PRKAR1A: variants seen among roughly 807,000 people sequenced by gnomAD.
The protein encoded by PRKAR1A is protein kinase cAMP-dependent type I regulatory subunit alpha.
In PRKAR1A, 3 loss-of-function variants were observed where a neutral mutation model predicts 52.0. The ratio of observed to expected loss-of-function variants is 0.06; its 90% CI spans 0.03 to 0.15. The LOEUF (loss-of-function observed/expected upper bound fraction) is 0.15, where lower values mean the gene tolerates loss of function less well. PRKAR1A is among the 10% of genes least tolerant of loss of function. PRKAR1A has a pLI of 1.00. For synonymous variants in PRKAR1A, 188 were observed against 168.4 expected (o/e 1.12, Z -0.90); for missense variants, 240 against 477.4 (o/e 0.50, Z 4.63).
chr17:68,520,320 CATA>C (rs1010423021), intron 2 of PRKAR1A, among the ~76,000 whole-genome samples: 4 of 152,164 alleles, frequency 2.6e-5, no homozygotes, highest in Non-Finnish European at 4.4e-5. Context: ...ATCGGGAAAA[CATA>C]GTAGTGGGGA....
the PRKAR1A span, among the ~76,000 whole-genome samples, chr17:68,457,943 A>G: frequency 6.6e-6 from 1 of 152,186 alleles, no homozygotes; most frequent in Admixed American, 6.5e-5. Context: ...CAGTCCGGCA[A>G]CTGCGTCGGG....
chr17:68,497,774 G>C, the PRKAR1A span, among the ~76,000 whole-genome samples: 1 of 152,202 alleles, frequency 6.6e-6, no homozygotes, highest in African/African-American at 2.4e-5. Flanking sequence ...AGAACCCAGG[G>C]AGGTTGACTC....
At chr17:68,436,184 C>T in the PRKAR1A span, among the ~76,000 whole-genome samples, 3 of 152,214 alleles carry the variant, frequency 2.0e-5, no homozygotes, top group Non-Finnish European at 2.9e-5. Flanking sequence ...CTAACTTGGC[C>T]TGGCCAGCTG....
chr17:68,465,586 T>C, the PRKAR1A span, among the ~76,000 whole-genome samples: 1 of 150,320 alleles, frequency 6.7e-6, no homozygotes, highest in African/African-American at 2.4e-5. Flanking sequence ...TCTGGAGTAG[T>C]TGGGATTACA....
At chr17:68,449,862 T>A in the PRKAR1A span, among the ~76,000 whole-genome samples, 1 of 152,112 alleles carries the variant, frequency 6.6e-6, no homozygotes, top group Non-Finnish European at 1.5e-5. Context: ...TACAGAAAAA[T>A]TAGCTGGGCG....
the PRKAR1A span, among the ~76,000 whole-genome samples, chr17:68,462,082 C>T: frequency 6.6e-6 from 1 of 152,186 alleles, no homozygotes; most frequent in Non-Finnish European, 1.5e-5. Flanking sequence ...CAAAAACTAA[C>T]AACACTTCTA....
intron 7 of PRKAR1A, 133 bp from the exon 8 acceptor site, chr17:68,527,707 C>T: frequency 2.9e-6 from 2 of 700,402 alleles, no homozygotes; most frequent in Non-Finnish European, 4.8e-6. Flanking sequence ...ATTAAACTTT[C>T]CTCATTAAAA....
At chr17:68,534,196 T>C (rs924854632), downstream of PRKAR1A, among the ~76,000 whole-genome samples, 6 of 152,228 alleles carry the variant, frequency 3.9e-5, no homozygotes, top group Non-Finnish European at 5.9e-5. Flanking sequence ...TCATCTGGAC[T>C]ACACCTAAAA....
downstream of PRKAR1A, chr17:68,537,639 A>T: frequency 6.2e-7 from 1 of 1,613,768 alleles, no homozygotes; most frequent in Non-Finnish European, 8.5e-7. This position sits in a 1 kb window ranked among gnomAD's most constrained non-coding sequence, Gnocchi z 4.2. Context: ...CAGTGAGGAC[A>T]GGGCTGAGCT....
At chr17:68,464,930 G>GTTTT in the PRKAR1A span, among the ~76,000 whole-genome samples, 2 of 143,106 alleles carry the variant, frequency 1.4e-5, no homozygotes, top group Non-Finnish European at 3.0e-5. Context: ...GGAAGTGTGG[G>GTTTT]TTTTTTTTTT....
the PRKAR1A span, among the ~76,000 whole-genome samples, chr17:68,467,442 T>G: frequency 0.014 from 2,117 of 152,324 alleles, 12 homozygotes; most frequent in Non-Finnish European, 0.02. Flanking sequence ...TGTTTTTTTG[T>G]TTTTGTTTTC....
At chr17:68,430,494 T>G in the PRKAR1A span, among the ~76,000 whole-genome samples, 1 of 152,210 alleles carries the variant, frequency 6.6e-6, no homozygotes, top group South Asian at 2.1e-4. Flanking sequence ...TGAGATGGAC[T>G]TGATATCCAG....
chr17:68,471,096 AT>A, the PRKAR1A span, among the ~76,000 whole-genome samples: 380 of 152,258 alleles, frequency 2.5e-3, 1 homozygote, highest in Admixed American at 8.2e-3. Context: ...AATTCAATGC[AT>A]TTTTTCCCCC....
the PRKAR1A span, among the ~76,000 whole-genome samples, chr17:68,460,358 A>G: frequency 1.3e-5 from 2 of 152,210 alleles, no homozygotes; most frequent in African/African-American, 4.8e-5. Flanking sequence ...GGGGAAGCCC[A>G]TTGGGTTGCT....
At chr17:68,539,881 T>A in intron 11 of PRKAR1A, 1 of 1,613,860 alleles carries the variant, frequency 6.2e-7, no homozygotes, top group Non-Finnish European at 8.5e-7. Flanking sequence ...GTGGGGAAGC[T>A]CACCCTCTGG....
chr17:68,420,528 AT>A, the PRKAR1A span: 145 of 1,541,516 alleles, frequency 9.4e-5, no homozygotes, highest in Non-Finnish European at 1.1e-4. Flanking sequence ...TCCAAATTTC[AT>A]TTTTACCCTC....
chr17:68,537,422 C>A, downstream of PRKAR1A: 1 of 1,611,402 alleles, frequency 6.2e-7, no homozygotes, highest in Non-Finnish European at 8.5e-7. This position sits in a 1 kb window ranked among gnomAD's most constrained non-coding sequence, Gnocchi z 4.2. Flanking sequence ...GGTCGGCACT[C>A]GAGTCGACTG....
the PRKAR1A span, among the ~76,000 whole-genome samples, chr17:68,506,003 G>A: frequency 6.6e-6 from 1 of 152,094 alleles, no homozygotes; most frequent in Admixed American, 6.5e-5. Flanking sequence ...CTATTAATTA[G>A]GATAATTACA....
At chr17:68,451,849 A>G in the PRKAR1A span, among the ~76,000 whole-genome samples, 217 of 152,360 alleles carry the variant, frequency 1.4e-3, 1 homozygote, top group African/African-American at 5.1e-3. Flanking sequence ...CCTGAGCACA[A>G]AGGTTACGGC....
Sources: allele counts gnomAD v4.1 joint callset (sites outside exome capture counted in the v4.1 genomes callset), GRCh38; gene constraint gnomAD v4.1.1; non-coding constraint Gnocchi (gnomAD v3.1); transcripts MANE v1.5; gene names NCBI Gene and HGNC (gene_info 2026-07-23, HGNC 2026-07-21).